The following CACNA1B variants were observed in gnomAD, a reference collection of about 807,000 sequenced individuals.
CACNA1B encodes the protein calcium voltage-gated channel subunit alpha1 B, also known as voltage-dependent N-type calcium channel subunit alpha-1B.
A neutral mutation model predicts 247.2 loss-of-function variants in CACNA1B; 70 were observed. The ratio of observed to expected loss-of-function variants is 0.28; its 90% CI spans 0.23 to 0.35. The LOEUF is 0.35. CACNA1B is among the 10% of genes least tolerant of loss of function. The pLI is 1.00. For missense variants in CACNA1B, 2,367 were observed against 3,197.4 expected (o/e 0.74, Z 6.26); for synonymous variants, 1,231 against 1,294.4 (o/e 0.95, Z 1.05).
In CACNA1B at chr9:138,059,010, A is replaced by G. The variant is rs1226348140; in HGVS notation, c.4474-69A>G. 6 of 934,466 alleles carry G rather than the reference A, an allele frequency of 6.4e-6. No individual in the cohort carries two copies. In the Admixed American group the frequency reaches 9.6e-5, roughly 15 times the overall value. 57.9% of individuals were successfully genotyped at this position (934,466 alleles called of 1,614,324 possible). On this transcript the variant is annotated intron_variant, in intron 29 of 46. Transcript: ENST00000371372. This position sits in a 1 kb window ranked among gnomAD's most constrained non-coding sequence, Gnocchi z 4.2. ...TTCTGTCTGCCCGCTTTGCTTGGTCATAGTGGTCCCAGATGGGGTGTCTTG... is the reference window on the plus strand; with the variant it reads ...TTCTGTCTGCCCGCTTTGCTTGGTCGTAGTGGTCCCAGATGGGGTGTCTTG...
At chr9:138,114,889 A>G (rs566166574) in intron 41 of CACNA1B, among the ~76,000 whole-genome samples, 4 of 152,270 alleles carry the variant, frequency 2.6e-5, no homozygotes, top group Non-Finnish European at 4.4e-5. Flanking sequence ...GTACAGGATC[A>G]TTGTCTGTTC....
intron 37 of CACNA1B, among the ~76,000 whole-genome samples, chr9:138,097,070 G>A (rs1193817149): frequency 1.3e-5 from 2 of 151,840 alleles, no homozygotes; most frequent in Non-Finnish European, 2.9e-5. Flanking sequence ...TCCCTAAGGG[G>A]CTCAGGAGTC....
chr9:138,046,985 C>T lies in CACNA1B; in HGVS notation c.3495C>T (p.Ile1165=), dbSNP rs200895076. 40 of 1,613,408 alleles carry T rather than the reference C, an allele frequency of 2.5e-5. 1 individual carries two copies. In the South Asian group the frequency reaches 2.7e-4, roughly 11 times the overall value. The change falls in exon 22 of 47, where the codon ATC becomes ATT. Residue 1165 remains isoleucine, a synonymous_variant. Transcript: ENST00000371372. The part of the protein sequence containing the change: ...VILVVIALSS[I]ALAAEDPVRT... ...TCGTGGTCATCGCCTTGAGCAGCAT[C>T]GCCCTGGCTGCTGAGGACCCAGTGC...
At chr9:137,966,830 A>G (rs371986868) in intron 10 of CACNA1B, among the ~76,000 whole-genome samples, 67 of 152,154 alleles carry the variant, frequency 4.4e-4, no homozygotes, top group East Asian at 1.4e-3. Flanking sequence ...GAGCCACCGC[A>G]CCCAGCCAAT....
chr9:138,016,546 G>C (rs1395316267), intron 18 of CACNA1B, among the ~76,000 whole-genome samples: 1 of 152,230 alleles, frequency 6.6e-6, no homozygotes, highest in Non-Finnish European at 1.5e-5. Context: ...TGGGGTCCAG[G>C]TGCTTGCCGG....
chr9:137,907,685 T>C (rs1246718545), intron 3 of CACNA1B, among the ~76,000 whole-genome samples: 1 of 152,236 alleles, frequency 6.6e-6, no homozygotes, highest in Non-Finnish European at 1.5e-5. Flanking sequence ...TTCTTTTTCA[T>C]TTTCTTTATG....
In CACNA1B at chr9:137,881,891, C is replaced by G. The variant is rs759590763; in HGVS notation, c.391-853C>G. Reference sequence around the variant, plus strand: ...AGCTGTCTTCATTCCTTTGGCTGCTCTGTTCCCTCCACCTGGATCCCTTTC... The same window carrying G: ...AGCTGTCTTCATTCCTTTGGCTGCTGTGTTCCCTCCACCTGGATCCCTTTC... On this transcript the variant is annotated intron_variant, in intron 2 of 46. Transcript: ENST00000371372. This position sits in a 1 kb window ranked among gnomAD's most constrained non-coding sequence, Gnocchi z 4.3. 2.0e-4 allele frequency among the ~76,000 whole-genome samples: 31 copies of G among 152,200 alleles called. No homozygotes were observed. Among genetic ancestry groups the G allele is most frequent in the Non-Finnish European group, 3.2e-4 (22 of 68,036 alleles).
chr9:138,017,412 C>T (rs972417971), intron 18 of CACNA1B, among the ~76,000 whole-genome samples: 2 of 152,242 alleles, frequency 1.3e-5, no homozygotes, highest in Non-Finnish European at 2.9e-5. Flanking sequence ...CTGCGCTCAG[C>T]GCCTCCTCCT....
chr9:138,013,352 C>A (rs138548647), intron 18 of CACNA1B, 117 bp downstream of exon 18: 1 of 673,166 alleles, frequency 1.5e-6, no homozygotes, highest in African/African-American at 1.8e-5. Context: ...CTGGCCTTGG[C>A]GGGTGAGGAC....
intron 3 of CACNA1B, among the ~76,000 whole-genome samples, chr9:137,908,128 G>A (rs1196787125): frequency 6.6e-6 from 1 of 152,176 alleles, no homozygotes; most frequent in African/African-American, 2.4e-5. Context: ...CTTCAGCATC[G>A]CTTGACTGTT....
At chr9:137,999,370 A>G (rs1026044960) in intron 15 of CACNA1B, among the ~76,000 whole-genome samples, 1 of 152,202 alleles carries the variant, frequency 6.6e-6, no homozygotes, top group African/African-American at 2.4e-5. Context: ...TTGGGAGTAA[A>G]GAGGAAATCA....
chr9:137,987,951 C>G (rs556419871), intron 15 of CACNA1B, among the ~76,000 whole-genome samples: 1 of 152,232 alleles, frequency 6.6e-6, no homozygotes, highest in Admixed American at 6.5e-5. Flanking sequence ...GTTGTCATCC[C>G]TTCTTCCTCT....
At position 138,053,885 on chromosome 9, in the gene CACNA1B, C is replaced by T. The variant is rs759343561; in HGVS notation, c.3847C>T (p.Leu1283Phe). The change falls in exon 26 of 47, where the codon CTC becomes TTC. Residue 1283 changes from leucine to phenylalanine, a missense_variant. Coordinates refer to ENST00000371372, the MANE Select transcript of CACNA1B (RefSeq NM_000718.4). ...TGTGGTGAACTCCCTGAAGAATGTC[C>T]TCAACATCTTGATTGTCTACATGCT... ...DCVVNSLKNV[L>F]NILIVYMLFM... is the part of the protein sequence containing the mutation. 7.4e-6 allele frequency: 12 copies of T among 1,612,960 alleles called. No individual in the cohort carries two copies. The East Asian group carries it at 1.1e-4, about 15-fold the overall frequency.
chr9:138,120,193 G>T lies in CACNA1B; in HGVS notation c.6059G>T (p.Arg2020Leu). The stretch of plus-strand genomic sequence containing the variant: ...GTCACAGATGCCAGCCCCATGAAGC[G>T]CTCCATCTCCACGCTGGCCCAGCGG... ...QPVTDASPMK[R>L]SISTLAQRPR... Residue 2020 changes from arginine (R) to leucine (L), a missense_variant, in exon 45 of 47, where the codon CGC becomes CTC. By Grantham distance (102) the Arg-to-Leu change is moderately radical. Coordinates refer to ENST00000371372, the MANE Select transcript of CACNA1B (RefSeq NM_000718.4). 1 of 1,607,038 alleles carries T rather than the reference G, an allele frequency of 6.2e-7. No homozygotes were observed. The highest frequency in any genetic ancestry group is 8.5e-7 in the Non-Finnish European group (1 of 1,177,600).
At chr9:138,016,664 C>T (rs1958796242) in intron 18 of CACNA1B, among the ~76,000 whole-genome samples, 1 of 152,002 alleles carries the variant, frequency 6.6e-6, no homozygotes, top group Non-Finnish European at 1.5e-5. Flanking sequence ...GGAGACGGTG[C>T]GGTCAGCCTC....
chr9:138,098,662 T>C (rs1961140959), intron 37 of CACNA1B, among the ~76,000 whole-genome samples: 1 of 152,128 alleles, frequency 6.6e-6, no homozygotes, highest in African/African-American at 2.4e-5. Flanking sequence ...TGCACAGTGG[T>C]ACCATACCAA....
In CACNA1B at chr9:138,041,387, GCT is replaced by G. The variant is rs199925275; in HGVS notation, c.3287-2382_3287-2381del. 5.0e-3 allele frequency among the ~76,000 whole-genome samples: 767 copies of G among 152,292 alleles called. 8 individuals are homozygous for G. The highest frequency in any genetic ancestry group is 0.018 in the African/African-American group (739 of 41,544). On this transcript the variant is annotated intron_variant, in intron 20 of 46. Transcript: ENST00000371372. ...TGGCATGTGGCTGTTTTTAGTGAAAGCTCTCTTCCTTTCTGTATTCCCCTCCA... is the reference window on the plus strand; with the variant it reads ...TGGCATGTGGCTGTTTTTAGTGAAAGCTCTTCCTTTCTGTATTCCCCTCCA...
chr9:138,044,818 C>G (rs529196396), intron 21 of CACNA1B, among the ~76,000 whole-genome samples: 18 of 152,358 alleles, frequency 1.2e-4, no homozygotes, highest in South Asian at 2.1e-4. Flanking sequence ...TGCATTACCC[C>G]GCTCCCTGCC....
Position 137,973,671 on chromosome 9 carries a change from G to C in CACNA1B, c.1543+2079G>C, listed in dbSNP as rs2133368035. The stretch of plus-strand genomic sequence containing the variant: ...AGCTTGTGAACTCCTGGGGAGAAGG[G>C]TGAACTCTGTCCCCATGCTGGCTCA... On this transcript the variant is annotated intron_variant, in intron 11 of 46. Coordinates refer to ENST00000371372, the MANE Select transcript of CACNA1B (RefSeq NM_000718.4). This position sits in a 1 kb window ranked among gnomAD's most constrained non-coding sequence, Gnocchi z 4.1. Among the ~76,000 whole-genome samples, 1 of 152,298 alleles carries C rather than the reference G, an allele frequency of 6.6e-6. No individual in the cohort carries two copies. Among genetic ancestry groups the C allele is most frequent in the East Asian group, 1.9e-4 (1 of 5,178 alleles).
Sources: gnomAD v4.1 joint callset for allele counts (sites outside exome capture counted in the v4.1 genomes callset) on GRCh38, gnomAD v4.1.1 for gene constraint, Gnocchi (gnomAD v3.1) non-coding constraint, MANE v1.5 for transcripts, NCBI Gene and HGNC (gene_info 2026-07-23, HGNC 2026-07-21) for gene names.